COL4A6: variants seen among roughly 807,000 people sequenced by gnomAD.
The protein encoded by COL4A6 is collagen type IV alpha 6 chain.
Under a neutral mutation model 126.7 loss-of-function variants are expected in COL4A6, and 59 were observed. That is an observed-to-expected ratio of 0.47 (90% CI 0.38 to 0.58). The LOEUF (loss-of-function observed/expected upper bound fraction) is 0.58, where lower values mean the gene tolerates loss of function less well. Ranked by LOEUF, COL4A6 falls within the 20% of genes least tolerant of loss-of-function variation. The pLI is 0.00. For synonymous variants in COL4A6, 547 were observed against 496.6 expected (o/e 1.10, Z -1.35); for missense variants, 1,285 against 1,337.3 (o/e 0.96, Z 0.61).
chrX:108,211,845 T>A, intron 6 of COL4A6, 105 bp from the exon 7 acceptor site: 1 of 814,774 alleles, frequency 1.2e-6, no homozygotes, highest in African/African-American at 2.0e-5. Context: ...CCTGAAACCA[T>A]GTGGCTTTTT....
chrX:108,425,926 T>C (rs1422121668), intron 2 of COL4A6, among the ~76,000 whole-genome samples: 1 of 111,537 alleles, frequency 9.0e-6, no homozygotes, highest in African/African-American at 3.3e-5. Flanking sequence ...TCTACTGTCG[T>C]AAATTTTGAA....
chrX:108,170,667 A>G lies in COL4A6; in HGVS notation c.3435T>C (p.Ser1145=). 8.3e-7 allele frequency: 1 copy of G among 1,206,317 alleles called. No homozygotes were observed. The highest frequency in any genetic ancestry group is 1.1e-6 in the Non-Finnish European group (1 of 893,939). ...GMRGEPGLPG[S]SGHQGAIGPL... Reference sequence around the variant, plus strand: ...GCCCAATTGCCCCTTGGTGACCAGAAGAACCTGGAAGTCCTGGTTCTCCTC... The same window carrying G: ...GCCCAATTGCCCCTTGGTGACCAGAGGAACCTGGAAGTCCTGGTTCTCCTC... The change falls in exon 35 of 45, where the codon TCT becomes TCC. Residue 1145 remains serine, a synonymous_variant. Coordinates refer to ENST00000334504, the MANE Select transcript of COL4A6 (RefSeq NM_033641.4).
chrX:108,253,580 C>T (rs917437589), intron 3 of COL4A6, among the ~76,000 whole-genome samples: 1 of 111,953 alleles, frequency 8.9e-6, no homozygotes, highest in Non-Finnish European at 1.9e-5. Context: ...TGTATCCATA[C>T]AGCCCAGTTA....
chrX:108,169,093 C>T (rs1299045130), intron 37 of COL4A6, among the ~76,000 whole-genome samples: 1 of 111,248 alleles, frequency 9.0e-6, no homozygotes, highest in Non-Finnish European at 1.9e-5. Flanking sequence ...CTTCCCGCAG[C>T]CACACTGTCT....
intron 43 of COL4A6, 85 bp from the exon 44 acceptor site, chrX:108,159,833 A>G (rs1032504791): frequency 9.7e-7 from 1 of 1,027,451 alleles, no homozygotes; most frequent in Admixed American, 2.2e-5. Context: ...ACATCCAACC[A>G]CTTGCACCAG....
intron 3 of COL4A6, among the ~76,000 whole-genome samples, chrX:108,278,429 G>A (rs2037686144): frequency 9.0e-6 from 1 of 111,079 alleles, no homozygotes; most frequent in Non-Finnish European, 1.9e-5. Context: ...AAGCAAGAAG[G>A]GAAGTTTAGA....
chrX:108,284,945 T>A (rs1418547173), intron 3 of COL4A6, among the ~76,000 whole-genome samples: 1 of 112,029 alleles, frequency 8.9e-6, no homozygotes, highest in Non-Finnish European at 1.9e-5. Context: ...ACCTGGCCAA[T>A]CCCACAGGTT....
At chrX:108,188,843 G>A (rs1486590381) in intron 20 of COL4A6, among the ~76,000 whole-genome samples, 166 bp from the exon 21 acceptor site, 2 of 112,282 alleles carry the variant, frequency 1.8e-5, no homozygotes, top group African/African-American at 6.5e-5. Context: ...GAGTATGTCT[G>A]TGTTAGTGGT....
intron 2 of COL4A6, among the ~76,000 whole-genome samples, chrX:108,357,617 T>C (rs753579086): frequency 9.0e-6 from 1 of 111,721 alleles, no homozygotes; most frequent in Admixed American, 9.6e-5. Context: ...CCATGCTGAT[T>C]CTCTGAACTT....
At chrX:108,171,526 A>G in intron 32 of COL4A6, 65 bp from the exon 33 acceptor site, 1 of 958,028 alleles carries the variant, frequency 1.0e-6, no homozygotes, top group Non-Finnish European at 1.5e-6. Context: ...CACCACTGAG[A>G]TCTTTTGAAC....
intron 3 of COL4A6, among the ~76,000 whole-genome samples, chrX:108,238,996 C>T (rs980479743): frequency 8.9e-6 from 1 of 112,291 alleles, no homozygotes; most frequent in Non-Finnish European, 1.9e-5. Flanking sequence ...TTCTCCCCTT[C>T]TGTGGTCTGT....
intron 3 of COL4A6, among the ~76,000 whole-genome samples, chrX:108,276,576 C>T (rs1288499598): frequency 3.6e-5 from 4 of 112,412 alleles, no homozygotes; most frequent in Non-Finnish European, 5.6e-5. Context: ...CTCTTATCCC[C>T]TGTGAAAGAT....
At chrX:108,384,215 C>A (rs2148145053) in intron 2 of COL4A6, among the ~76,000 whole-genome samples, 1 of 111,652 alleles carries the variant, frequency 9.0e-6, no homozygotes, top group African/African-American at 3.3e-5. Context: ...ACCCATCCAC[C>A]CAGACATCTA....
At chrX:108,387,702 T>C (rs1267010908) in intron 2 of COL4A6, among the ~76,000 whole-genome samples, 2 of 111,884 alleles carry the variant, frequency 1.8e-5, no homozygotes, top group Non-Finnish European at 3.8e-5. Flanking sequence ...TTGAATATCT[T>C]TTATTTCTTT....
chrX:108,228,755 C>T (rs2042467207), intron 3 of COL4A6, among the ~76,000 whole-genome samples: 1 of 111,966 alleles, frequency 8.9e-6, no homozygotes, highest in African/African-American at 3.3e-5. Context: ...GTAACCAGCC[C>T]CGTGATTCAA....
chrX:108,239,433 C>T lies in COL4A6; in HGVS notation c.145-18059G>A, dbSNP rs956292401. The stretch of plus-strand genomic sequence containing the variant: ...GCTTTTCTTTTCTTTTTCAGGTAAT[C>T]GAACCAAGAGGATATGATAGCATAT... On this transcript the variant is annotated intron_variant, in intron 3 of 44. Transcript: ENST00000334504. Among the ~76,000 whole-genome samples, 6 of 111,797 alleles carry T rather than the reference C, an allele frequency of 5.4e-5. No homozygotes were observed. In the Admixed American group the frequency reaches 5.7e-4, roughly 11 times the overall value.
chrX:108,165,532 G>T, intron 37 of COL4A6, 46 bp from the exon 38 acceptor site: 1 of 914,236 alleles, frequency 1.1e-6, no homozygotes, highest in South Asian at 2.6e-5. Context: ...TGTGTGCCCA[G>T]AAGATGGCCA....
At chrX:108,320,837 G>C (rs1412151786) in intron 2 of COL4A6, among the ~76,000 whole-genome samples, 1 of 111,699 alleles carries the variant, frequency 9.0e-6, no homozygotes, top group African/African-American at 3.3e-5. Flanking sequence ...AATCTCATTT[G>C]ATTTTCCACC....
chrX:108,280,592 T>C (rs1247832179), intron 3 of COL4A6, among the ~76,000 whole-genome samples: 1 of 111,938 alleles, frequency 8.9e-6, no homozygotes, highest in African/African-American at 3.3e-5. Flanking sequence ...CCATTCCTTC[T>C]GAAACTATTC....
Sources: allele counts gnomAD v4.1 joint callset (sites outside exome capture counted in the v4.1 genomes callset), GRCh38; gene constraint gnomAD v4.1.1; transcripts MANE v1.5; gene names NCBI Gene and HGNC (gene_info 2026-07-23, HGNC 2026-07-21).